The following PLCZ1 variants were observed in gnomAD, a reference collection of about 807,000 sequenced individuals.
The protein encoded by PLCZ1 is phospholipase C zeta 1.
A neutral mutation model predicts 76.8 loss-of-function variants in PLCZ1; 64 were observed. That is an observed-to-expected ratio of 0.83 (90% CI 0.68 to 1.03). PLCZ1 has a LOEUF of 1.03. Among genes scored for constraint, PLCZ1 ranks in the 50% least tolerant of loss-of-function variants. The pLI, the probability that PLCZ1 is intolerant of heterozygous loss-of-function variation, is 0.00. For synonymous variants in PLCZ1, 248 were observed against 230.8 expected, an observed-to-expected ratio of 1.07 and a Z score of -0.68; for missense variants, 751 against 713.7, an observed-to-expected ratio of 1.05 and a Z score of -0.60.
the PLCZ1 span, among the ~76,000 whole-genome samples, chr12:18,664,859 G>T: frequency 0.12 from 18,632 of 151,376 alleles, 1,343 homozygotes; most frequent in African/African-American, 0.2. Flanking sequence ...CCTTTGTAGG[G>T]ACATGGATGA....
At chr12:18,664,201 G>T in the PLCZ1 span, among the ~76,000 whole-genome samples, 1 of 152,122 alleles carries the variant, frequency 6.6e-6, no homozygotes, top group East Asian at 1.9e-4. Context: ...AGCCACTGTG[G>T]GACACAGTTT....
the PLCZ1 span, among the ~76,000 whole-genome samples, chr12:18,665,694 T>C: frequency 2.0e-5 from 3 of 152,072 alleles, no homozygotes; most frequent in Non-Finnish European, 4.4e-5. Context: ...CCCAGAACTT[T>C]GGGAGGCTGA....
chr12:18,696,965 T>C (rs2417720), intron 10 of PLCZ1, among the ~76,000 whole-genome samples: 75,373 of 151,930 alleles, frequency 0.5, 20,218 homozygotes, highest in African/African-American at 0.71. Flanking sequence ...CACAGTCTAT[T>C]TTAGTTTCTG....
At chr12:18,693,813 G>T (rs1015891777) in intron 12 of PLCZ1, 1 of 1,521,614 alleles carries the variant, frequency 6.6e-7, no homozygotes, top group Admixed American at 1.7e-5. Context: ...AGACCAGGCC[G>T]CATTGGCAGG....
chr12:18,680,357 C>T (rs1952298168), downstream of PLCZ1, among the ~76,000 whole-genome samples: 1 of 151,992 alleles, frequency 6.6e-6, no homozygotes, highest in African/African-American at 2.4e-5. Flanking sequence ...TGTTTTACAT[C>T]CCTCAAGACA....
chr12:18,672,324 C>A, the PLCZ1 span, among the ~76,000 whole-genome samples: 3 of 152,032 alleles, frequency 2.0e-5, no homozygotes, highest in Non-Finnish European at 2.9e-5. Context: ...CTAGAACAAA[C>A]CTTTCCCGAC....
chr12:18,695,442 C>T (rs78982376), intron 11 of PLCZ1, among the ~76,000 whole-genome samples: 2,735 of 152,192 alleles, frequency 0.018, 43 homozygotes, highest in Middle Eastern at 0.051. Context: ...TCAACTATGT[C>T]ATAAATTTTC....
At chr12:18,666,216 G>C in the PLCZ1 span, among the ~76,000 whole-genome samples, 1 of 151,700 alleles carries the variant, frequency 6.6e-6, no homozygotes, top group Non-Finnish European at 1.5e-5. Context: ...AAAACAAAGA[G>C]AAAATTGGCA....
chr12:18,682,832 C>T (rs1205198856), downstream of PLCZ1, among the ~76,000 whole-genome samples: 4 of 152,096 alleles, frequency 2.6e-5, no homozygotes, highest in African/African-American at 7.2e-5. Context: ...TTCCTTCCCA[C>T]AAAAATACGC....
At chr12:18,686,593 G>T in intron 13 of PLCZ1, among the ~76,000 whole-genome samples, 1 of 151,754 alleles carries the variant, frequency 6.6e-6, no homozygotes, top group Non-Finnish European at 1.5e-5. Context: ...AAATGTCCTT[G>T]TCCCCAATCT....
chr12:18,712,709 G>T, intron 6 of PLCZ1, 133 bp downstream of exon 6: 2 of 1,078,162 alleles, frequency 1.9e-6, no homozygotes, highest in Non-Finnish European at 2.7e-6. Context: ...GGATTTCACT[G>T]CCTACTAATG....
At chr12:18,650,983 A>G in the PLCZ1 span, among the ~76,000 whole-genome samples, 1 of 151,848 alleles carries the variant, frequency 6.6e-6, no homozygotes, top group South Asian at 2.1e-4. Context: ...GAATGGTTAT[A>G]TCATTCTTCT....
At chr12:18,717,734 C>A (rs983503536) in intron 5 of PLCZ1, among the ~76,000 whole-genome samples, 1 of 152,162 alleles carries the variant, frequency 6.6e-6, no homozygotes, top group African/African-American at 2.4e-5. Flanking sequence ...CTTGATTCCT[C>A]TCTTTCCCTC....
At chr12:18,693,326 C>A (rs975721527) in intron 12 of PLCZ1, 2 of 1,547,580 alleles carry the variant, frequency 1.3e-6, no homozygotes, top group African/African-American at 2.7e-5. Flanking sequence ...CCCAAGAGAC[C>A]TATGCAGATA....
intron 7 of PLCZ1, among the ~76,000 whole-genome samples, chr12:18,702,355 C>T (rs1287401596): frequency 6.6e-6 from 1 of 152,132 alleles, no homozygotes; most frequent in Non-Finnish European, 1.5e-5. Flanking sequence ...ATCAGTGTCA[C>T]TTGTTCTAAA....
At chr12:18,717,485 T>A (rs943416879) in intron 5 of PLCZ1, among the ~76,000 whole-genome samples, 14 of 152,242 alleles carry the variant, frequency 9.2e-5, no homozygotes, top group African/African-American at 3.1e-4. Flanking sequence ...TGGTTTTAAA[T>A]ATCCCATATA....
chr12:18,673,029 G>C, the PLCZ1 span, among the ~76,000 whole-genome samples: 1 of 152,156 alleles, frequency 6.6e-6, no homozygotes, highest in South Asian at 2.1e-4. Context: ...TTAAAATACA[G>C]AAGTGTTTGC....
chr12:18,659,878 C>G, the PLCZ1 span, among the ~76,000 whole-genome samples: 1 of 152,064 alleles, frequency 6.6e-6, no homozygotes, highest in Non-Finnish European at 1.5e-5. Context: ...AGTTGACTTA[C>G]TCTATAAGAA....
intron 12 of PLCZ1, among the ~76,000 whole-genome samples, chr12:18,692,138 C>T (rs532847363): frequency 1.3e-5 from 2 of 152,234 alleles, no homozygotes; most frequent in South Asian, 2.1e-4. Flanking sequence ...AGCAGAGGAG[C>T]GCTCAGCAGC....
Sources: allele counts gnomAD v4.1 joint callset (sites outside exome capture counted in the v4.1 genomes callset), GRCh38; gene constraint gnomAD v4.1.1; transcripts MANE v1.5; gene names NCBI Gene and HGNC (gene_info 2026-07-23, HGNC 2026-07-21).